The following TRAPPC9 variants were observed in gnomAD, a reference collection of about 807,000 sequenced individuals.
TRAPPC9 encodes the protein trafficking protein particle complex subunit 9.
A neutral mutation model predicts 124.0 loss-of-function variants in TRAPPC9; 83 were observed. That is an observed-to-expected ratio of 0.67 (90% CI 0.56 to 0.80). The LOEUF (loss-of-function observed/expected upper bound fraction) is 0.80. Among genes scored for constraint, TRAPPC9 ranks in the 30% least tolerant of loss-of-function variants. The pLI is 0.00. For missense variants in TRAPPC9, 1,302 were observed against 1,508.3 expected (o/e 0.86, Z 2.27); for synonymous variants, 638 against 617.5 (o/e 1.03, Z -0.49).
At chr8:140,328,186 C>T (rs929700523) in intron 9 of TRAPPC9, among the ~76,000 whole-genome samples, 1 of 151,886 alleles carries the variant, frequency 6.6e-6, no homozygotes, top group Non-Finnish European at 1.5e-5. Flanking sequence ...AGCCAGGGAG[C>T]GGAGGTTGCA....
chr8:140,041,610 G>A (rs372139988), intron 17 of TRAPPC9, among the ~76,000 whole-genome samples: 3 of 152,328 alleles, frequency 2.0e-5, no homozygotes, highest in African/African-American at 7.2e-5. Flanking sequence ...GAGAACGCTC[G>A]TGACTTGCTC....
In TRAPPC9 at chr8:139,944,710, A is replaced by G. The variant is rs1010388611; in HGVS notation, c.2811-34410T>C. On this transcript the variant is annotated intron_variant, in intron 19 of 22. Transcript: ENST00000438773. ...CAGGAAAAGGGAAACAAATGAATAA[A>G]AAGCAGTGGGGTCATTCAGGAAACA... Among the ~76,000 whole-genome samples the G allele has an allele frequency of 3.3e-5, 5 of 152,254 alleles. No homozygotes were observed. In the East Asian group the frequency reaches 9.6e-4, roughly 29 times the overall value.
At chr8:140,227,466 G>A (rs2063481048) in intron 16 of TRAPPC9, among the ~76,000 whole-genome samples, 1 of 152,188 alleles carries the variant, frequency 6.6e-6, no homozygotes, top group African/African-American at 2.4e-5. Flanking sequence ...GAGTCTGGTA[G>A]ATCATCATGA....
At chr8:140,312,603 G>C (rs1471470793) in intron 9 of TRAPPC9, among the ~76,000 whole-genome samples, 1 of 152,168 alleles carries the variant, frequency 6.6e-6, no homozygotes, top group East Asian at 1.9e-4. Flanking sequence ...GAGCAGGTAA[G>C]TAGCTGTAAA....
At position 139,729,705 on chromosome 8, in the gene TRAPPC9, C is replaced by T. The variant is rs191473239; in HGVS notation, c.*1356G>A. On this transcript the variant is annotated 3_prime_UTR_variant, in exon 23 of 23. Coordinates refer to ENST00000438773, the MANE Select transcript of TRAPPC9 (RefSeq NM_001160372.4). ...CGAGGGAGGTTTGGGCCTGGGACTT[C>T]AGGTCCTCAGGAAGTTCCCTCAGCC... is the stretch of plus-strand genomic sequence containing the variant. 1.3e-5 allele frequency among the ~76,000 whole-genome samples: 2 copies of T among 151,238 alleles called. No individual in the cohort carries two copies. The highest frequency in any genetic ancestry group is 1.3e-4 in the Admixed American group (2 of 14,912).
intron 19 of TRAPPC9, among the ~76,000 whole-genome samples, chr8:139,920,295 G>C (rs1462003753): frequency 6.6e-6 from 1 of 152,222 alleles, no homozygotes; most frequent in Non-Finnish European, 1.5e-5. Flanking sequence ...GCAGTGAGCC[G>C]AGATCGTGCC....
chr8:139,794,270 G>A (rs999290813), intron 21 of TRAPPC9, among the ~76,000 whole-genome samples: 5 of 152,196 alleles, frequency 3.3e-5, no homozygotes, highest in Non-Finnish European at 7.4e-5. Flanking sequence ...CTAACGATGT[G>A]CCGTGGGGTC....
chr8:140,173,695 A>G (rs796133005), intron 17 of TRAPPC9, among the ~76,000 whole-genome samples: 22 of 152,208 alleles, frequency 1.4e-4, no homozygotes, highest in African/African-American at 5.3e-4. Context: ...CCATGCAAGC[A>G]TTTGCTCACC....
At position 140,092,662 on chromosome 8, in the gene TRAPPC9, A is replaced by G. The variant is rs191822666; in HGVS notation, c.2557-68583T>C. On this transcript the variant is annotated intron_variant, in intron 17 of 22. Coordinates refer to ENST00000438773, the MANE Select transcript of TRAPPC9 (RefSeq NM_001160372.4). ...CTTCTCTTTCCCCATATCCCACCCC[A>G]ATAAGACCAAAAGTTACTACTGCCT... Among the ~76,000 whole-genome samples, 4 of 152,304 alleles carry G rather than the reference A, an allele frequency of 2.6e-5. No homozygotes were observed. In the East Asian group the frequency reaches 7.7e-4, roughly 29 times the overall value.
intron 21 of TRAPPC9, among the ~76,000 whole-genome samples, chr8:139,872,260 G>GTGGATGGA (rs755108818): frequency 1.6e-5 from 2 of 128,430 alleles, no homozygotes; most frequent in East Asian, 2.4e-4. Context: ...GGTTGGATGA[G>GTGGATGGA]TGGATGGATG....
At chr8:140,269,595 G>T (rs945385259) in intron 15 of TRAPPC9, among the ~76,000 whole-genome samples, 1 of 150,968 alleles carries the variant, frequency 6.6e-6, no homozygotes, top group Non-Finnish European at 1.5e-5. Flanking sequence ...TAAATAAGAT[G>T]GATTAAAGGA....
chr8:139,829,454 G>A (rs1008064055), intron 21 of TRAPPC9, among the ~76,000 whole-genome samples: 1 of 152,246 alleles, frequency 6.6e-6, no homozygotes, highest in Non-Finnish European at 1.5e-5. Context: ...TCTCCCACAC[G>A]TGCTATAATG....
chr8:140,212,762 G>A (rs987159083), intron 17 of TRAPPC9, among the ~76,000 whole-genome samples: 9 of 151,764 alleles, frequency 5.9e-5, no homozygotes, highest in Admixed American at 3.3e-4. Context: ...ATGGGAAGGC[G>A]TTTTTTTTCT....
chr8:140,452,723 AG>A lies in TRAPPC9; in HGVS notation c.-10-1341del, dbSNP rs2071511680. On this transcript the variant is annotated intron_variant, in intron 1 of 22. Transcript: ENST00000438773. ...GAGATCCTCAATACATGTTTGTTGA[AG>A]GGATTAGTGAACAAACAAACAAATG... Among the ~76,000 whole-genome samples, 3 of 152,200 alleles carry A rather than the reference AG, an allele frequency of 2.0e-5. No individual in the cohort carries two copies. In the South Asian group the frequency reaches 6.2e-4, roughly 31 times the overall value.
At chr8:140,403,609 T>C (rs1379563648) in intron 6 of TRAPPC9, among the ~76,000 whole-genome samples, 1 of 152,048 alleles carries the variant, frequency 6.6e-6, no homozygotes, top group East Asian at 1.9e-4. Context: ...AAATTGTTAA[T>C]AACCTTTTTG....
chr8:140,234,391 G>A (rs2063681038), intron 16 of TRAPPC9, among the ~76,000 whole-genome samples: 1 of 152,168 alleles, frequency 6.6e-6, no homozygotes, highest in South Asian at 2.1e-4. Flanking sequence ...TGCCATGGTG[G>A]ACAGTACTGC....
At chr8:140,080,636 G>A (rs746228902) in intron 17 of TRAPPC9, among the ~76,000 whole-genome samples, 2 of 152,088 alleles carry the variant, frequency 1.3e-5, no homozygotes, top group East Asian at 1.9e-4. Flanking sequence ...AATCTATTCC[G>A]GAGGGTTCAG....
intron 17 of TRAPPC9, among the ~76,000 whole-genome samples, chr8:140,048,451 A>G (rs1378967234): frequency 6.6e-6 from 1 of 152,122 alleles, no homozygotes; most frequent in African/African-American, 2.4e-5. Flanking sequence ...TTTCTGGACA[A>G]TAGCCCTATG....
intron 10 of TRAPPC9, among the ~76,000 whole-genome samples, chr8:140,309,195 T>C (rs1402933452): frequency 6.6e-6 from 1 of 152,176 alleles, no homozygotes; most frequent in Non-Finnish European, 1.5e-5. Context: ...GGTGAAAAAA[T>C]GTCTCCAAGA....
Sources: allele counts gnomAD v4.1 joint callset (sites outside exome capture counted in the v4.1 genomes callset), GRCh38; gene constraint gnomAD v4.1.1; transcripts MANE v1.5; gene names NCBI Gene and HGNC (gene_info 2026-07-23, HGNC 2026-07-21).